NFE2L3: variants seen among roughly 807,000 people sequenced by gnomAD.
NFE2L3 encodes the protein nuclear factor erythroid 2-related factor 3.
Under a neutral mutation model 23.5 loss-of-function variants are expected in NFE2L3, and 18 were observed. The ratio of observed to expected loss-of-function variants is 0.77; its 90% CI spans 0.53 to 1.13. NFE2L3 has a LOEUF of 1.13. NFE2L3 is among the 50% of genes most tolerant of loss of function. The probability of loss-of-function intolerance (pLI) is 0.00; values close to 1 mark genes in which losing one functional copy is unlikely to be tolerated. For synonymous variants in NFE2L3, 424 were observed against 354.5 expected, an observed-to-expected ratio of 1.20 and a Z score of -2.20; for missense variants, 1,152 against 877.2, an observed-to-expected ratio of 1.31 and a Z score of -3.96.
At chr7:26,184,222 T>C in intron 3 of NFE2L3, 1 of 357,348 alleles carries the variant, frequency 2.8e-6, no homozygotes, top group Non-Finnish European at 5.1e-6. Flanking sequence ...TACCAACCGC[T>C]AGGATGAGTT....
At chr7:26,181,970 G>A (rs1784521408) in intron 2 of NFE2L3, among the ~76,000 whole-genome samples, 1 of 151,866 alleles carries the variant, frequency 6.6e-6, no homozygotes, top group Non-Finnish European at 1.5e-5. Context: ...GACAATGATA[G>A]AAGAGAAAAA....
At chr7:26,161,733 C>A (rs1314226399) in intron 1 of NFE2L3, among the ~76,000 whole-genome samples, 1 of 151,902 alleles carries the variant, frequency 6.6e-6, no homozygotes, top group African/African-American at 2.4e-5. Flanking sequence ...TTATTATTTT[C>A]TAATATATTC....
At chr7:26,173,583 A>G (rs565938605) in intron 1 of NFE2L3, 1 of 152,242 alleles carries the variant, frequency 6.6e-6, no homozygotes, top group South Asian at 2.1e-4. Context: ...AACAACCACA[A>G]AAAACCTTAC....
At chr7:26,178,261 T>TAAC (rs1376320146) in intron 2 of NFE2L3, 139 bp downstream of exon 2, 3 of 684,238 alleles carry the variant, frequency 4.4e-6, no homozygotes, top group Non-Finnish European at 7.3e-6. Context: ...AATACCTATG[T>TAAC]CTTTAAGTTA....
chr7:26,181,962 CAAT>C (rs1312138764), intron 2 of NFE2L3, among the ~76,000 whole-genome samples: 2 of 151,710 alleles, frequency 1.3e-5, no homozygotes, highest in African/African-American at 2.4e-5. Context: ...AAAATTGAGA[CAAT>C]GATAGAAGAG....
At chr7:26,181,366 CAG>C (rs1375794295) in intron 2 of NFE2L3, among the ~76,000 whole-genome samples, 3 of 152,086 alleles carry the variant, frequency 2.0e-5, no homozygotes, top group Non-Finnish European at 4.4e-5. Context: ...TGAAATAAAA[CAG>C]AAATGAGTTA....
At chr7:26,171,810 T>C (rs1033059644) in intron 1 of NFE2L3, among the ~76,000 whole-genome samples, 2 of 152,116 alleles carry the variant, frequency 1.3e-5, no homozygotes, top group African/African-American at 4.8e-5. Flanking sequence ...GAGGAAGAAT[T>C]GTTTGACTAG....
At position 26,186,046 on chromosome 7, in the gene NFE2L3, C is replaced by A; in HGVS notation, c.*263C>A. 1 of 291,260 alleles carries A rather than the reference C, an allele frequency of 3.4e-6. No individual in the cohort carries two copies. Among genetic ancestry groups the A allele is most frequent in the Non-Finnish European group, 6.3e-6 (1 of 158,008 alleles). 18.0% of individuals were successfully genotyped at this position (291,260 alleles called of 1,614,324 possible). A position where few individuals can be genotyped will look rare whatever the true frequency, so the allele number is the denominator to read the frequency against. ...TAGTTATGTCCAAAGAATAGGTTAA[C>A]ATGAAAACCCAGTAAGACTTTCCAT... is the stretch of plus-strand genomic sequence containing the variant. On this transcript the variant is annotated 3_prime_UTR_variant, in exon 4 of 4. Transcript: ENST00000056233.
At chr7:26,161,248 C>T (rs768587412) in intron 1 of NFE2L3, among the ~76,000 whole-genome samples, 1 of 149,742 alleles carries the variant, frequency 6.7e-6, no homozygotes, top group Non-Finnish European at 1.5e-5. Flanking sequence ...AGGCCTTGGA[C>T]TTGTTGAGGA....
At chr7:26,175,082 C>T (rs1160496030) in intron 1 of NFE2L3, 1 of 151,286 alleles carries the variant, frequency 6.6e-6, no homozygotes, top group Non-Finnish European at 1.5e-5. Flanking sequence ...CGTGGTGGCT[C>T]ATGCCTGTAA....
rs760760445 is a variant in NFE2L3, at chr7:26,184,979, CAAT to C, written c.1286_1288del (p.Asn429del). ...CTGGCCTTTCTTTAGATTCAAGTCA[CAAT>C]AATACCTCTGTCATCAAGTCTAATT... On this transcript the variant is annotated inframe_deletion, in exon 4 of 4. Transcript: ENST00000056233. 1.2e-5 allele frequency: 20 copies of C among 1,613,732 alleles called. No individual in the cohort carries two copies. Among genetic ancestry groups the C allele is most frequent in the Admixed American group, 6.7e-5 (4 of 59,994 alleles).
chr7:26,186,170 AAT>A lies in NFE2L3; in HGVS notation c.*389_*390del, dbSNP rs1782482002. ...AGAGGTATTTCAGTTTTAAATGCAA[AAT>A]AGCCTTATTTTCATTTAGTTTGTTA... On this transcript the variant is annotated 3_prime_UTR_variant, in exon 4 of 4. Coordinates refer to ENST00000056233, the MANE Select transcript of NFE2L3 (RefSeq NM_004289.7). The A allele has an allele frequency of 6.2e-6, 1 of 161,926 alleles. No homozygotes were observed. The highest frequency in any genetic ancestry group is 1.3e-5 in the Non-Finnish European group (1 of 74,812). 10.0% of individuals were successfully genotyped at this position (161,926 alleles called of 1,614,324 possible).
chr7:26,155,391 G>C (rs557218295), intron 1 of NFE2L3, among the ~76,000 whole-genome samples: 11 of 152,268 alleles, frequency 7.2e-5, no homozygotes, highest in Admixed American at 2.0e-4. Context: ...GCAGTGAGCC[G>C]AGATTGTGCC....
At chr7:26,167,450 C>G (rs547553245) in intron 1 of NFE2L3, among the ~76,000 whole-genome samples, 82 of 152,104 alleles carry the variant, frequency 5.4e-4, no homozygotes, top group African/African-American at 1.9e-3. Context: ...CTGTACAAGT[C>G]AGTAGGTGTT....
intron 1 of NFE2L3, among the ~76,000 whole-genome samples, chr7:26,170,022 G>C (rs1784312852): frequency 6.6e-6 from 1 of 152,138 alleles, no homozygotes; most frequent in Non-Finnish European, 1.5e-5. Flanking sequence ...GGCCTCAGGT[G>C]GGTCACCATA....
At chr7:26,161,091 T>C (rs1041042732) in intron 1 of NFE2L3, among the ~76,000 whole-genome samples, 7 of 152,156 alleles carry the variant, frequency 4.6e-5, no homozygotes, top group African/African-American at 1.7e-4. Context: ...GAATCCACTT[T>C]AGCATGAAAG....
intron 2 of NFE2L3, 39 bp from the exon 3 acceptor site, chr7:26,183,662 C>T: frequency 7.6e-7 from 1 of 1,322,482 alleles, no homozygotes; most frequent in African/African-American, 1.4e-5. Flanking sequence ...CCAGTTCAGT[C>T]TTTTATGTGA....
In NFE2L3 at chr7:26,152,807, C is replaced by A. The variant is rs936338885; in HGVS notation, c.309C>A (p.Val103=). Residue 103 remains valine, a synonymous_variant, in exon 1 of 4, where the codon GTC becomes GTA. Transcript: ENST00000056233. The surrounding 1 kb of genome is among the most constrained non-coding windows in gnomAD (Gnocchi z 4.4). ...REVRALGVPF[V]PRTSVDAWLV... is the part of the protein sequence containing the mutation. Reference sequence around the variant, plus strand: ...TGCGCGCGCTCGGGGTCCCCTTCGTCCCTCGCACCAGCGTGGATGCATGGC... The same window carrying A: ...TGCGCGCGCTCGGGGTCCCCTTCGTACCTCGCACCAGCGTGGATGCATGGC... The A allele has an allele frequency of 6.7e-7, 1 of 1,488,044 alleles. No homozygotes were observed. The highest frequency in any genetic ancestry group is 8.9e-7 in the Non-Finnish European group (1 of 1,126,844). 92.2% of individuals were successfully genotyped at this position (1,488,044 alleles called of 1,614,324 possible). A position where few individuals can be genotyped will look rare whatever the true frequency, so the allele number is the denominator to read the frequency against.
Position 26,152,371 on chromosome 7 carries a change from C to T in NFE2L3, c.-128C>T. The T allele has an allele frequency of 3.5e-6, 2 of 578,404 alleles. No homozygotes were observed. The highest frequency in any genetic ancestry group is 4.8e-6 in the Non-Finnish European group (2 of 416,432). 35.8% of individuals were successfully genotyped at this position (578,404 alleles called of 1,614,324 possible). On this transcript the variant is annotated 5_prime_UTR_variant, in exon 1 of 4. Transcript: ENST00000056233. The surrounding 1 kb of genome is among the most constrained non-coding windows in gnomAD (Gnocchi z 4.4). Reference sequence around the variant, plus strand: ...CGCGACGGCCGCCACGCGCCCCGGTCCATTGTTTCGCTTATCTGGGTTCCA... The same window carrying T: ...CGCGACGGCCGCCACGCGCCCCGGTTCATTGTTTCGCTTATCTGGGTTCCA...
Sources: allele counts gnomAD v4.1 joint callset (sites outside exome capture counted in the v4.1 genomes callset), GRCh38; gene constraint gnomAD v4.1.1; non-coding constraint Gnocchi (gnomAD v3.1); transcripts MANE v1.5; gene names NCBI Gene and HGNC (gene_info 2026-07-23, HGNC 2026-07-21).